Variants in ARHGEF7 observed in about 807,000 individuals in gnomAD.
ARHGEF7 encodes the protein PAK-interacting exchange factor beta.
ARHGEF7 carries 33 observed loss-of-function variants against 109.8 expected under a neutral mutation model. That is an observed-to-expected ratio of 0.30 (90% confidence interval 0.23 to 0.40). ARHGEF7 has a LOEUF of 0.40. Among genes scored for constraint, ARHGEF7 ranks in the 10% least tolerant of loss-of-function variants. The pLI is 1.00. For synonymous variants in ARHGEF7, 458 were observed against 424.6 expected, an observed-to-expected ratio of 1.08 and a Z score of -0.97; for missense variants, 938 against 1,098.5, an observed-to-expected ratio of 0.85 and a Z score of 2.07.
intron 8 of ARHGEF7, among the ~76,000 whole-genome samples, chr13:111,251,527 C>T (rs1163112449): frequency 1.3e-5 from 2 of 152,148 alleles, no homozygotes; most frequent in Non-Finnish European, 2.9e-5. Flanking sequence ...GGCAGGAGGA[C>T]ACAGAGACTC....
chr13:111,171,379 A>G (rs923510667), intron 2 of ARHGEF7, among the ~76,000 whole-genome samples: 1 of 152,230 alleles, frequency 6.6e-6, no homozygotes, highest in Non-Finnish European at 1.5e-5. Flanking sequence ...GTGGCTGCTC[A>G]GTGCTGGATG....
chr13:111,201,766 T>C (rs889657288), intron 2 of ARHGEF7, among the ~76,000 whole-genome samples: 2 of 152,172 alleles, frequency 1.3e-5, no homozygotes, highest in Admixed American at 1.3e-4. Context: ...AGGGAGGCTC[T>C]GCTCCGTAGT....
At chr13:111,236,198 A>G (rs2086798668) in intron 6 of ARHGEF7, among the ~76,000 whole-genome samples, 1 of 152,192 alleles carries the variant, frequency 6.6e-6, no homozygotes. Context: ...TCAAATATAG[A>G]CAATATTTGA....
chr13:111,158,251 G>C (rs1308860040), intron 2 of ARHGEF7, among the ~76,000 whole-genome samples: 1 of 152,202 alleles, frequency 6.6e-6, no homozygotes, highest in Admixed American at 6.5e-5. Flanking sequence ...AGAATTGACT[G>C]TGGGCTCACA....
At chr13:111,238,148 T>G (rs1243511204) in intron 6 of ARHGEF7, among the ~76,000 whole-genome samples, 1 of 152,216 alleles carries the variant, frequency 6.6e-6, no homozygotes, top group East Asian at 1.9e-4. Context: ...CTGTTTGAAA[T>G]CAGTCTGTTA....
At chr13:111,256,252 C>A (rs1319964708) in intron 8 of ARHGEF7, among the ~76,000 whole-genome samples, 2 of 152,156 alleles carry the variant, frequency 1.3e-5, no homozygotes, top group Non-Finnish European at 2.9e-5. Flanking sequence ...ACCAAACGTT[C>A]AGGAAAGAAA....
At chr13:111,195,168 TTTTAGCCTGA>T (rs1377223581) in intron 2 of ARHGEF7, among the ~76,000 whole-genome samples, 3 of 152,218 alleles carry the variant, frequency 2.0e-5, no homozygotes, top group Non-Finnish European at 4.4e-5. Flanking sequence ...TGGTGGGATC[TTTTAGCCTGA>T]TTTGGACTGG....
chr13:111,300,562 G>A (rs550471075), intron 19 of ARHGEF7, among the ~76,000 whole-genome samples, 186 bp from the exon 20 acceptor site: 72 of 152,170 alleles, frequency 4.7e-4, no homozygotes, highest in Non-Finnish European at 7.5e-4. Flanking sequence ...AGGAGGCCTG[G>A]GCTCGGTAGA....
chr13:111,126,444 C>A lies in ARHGEF7; in HGVS notation c.165+10753C>A, dbSNP rs879309952. ...GACAGTGGTTGCAGTGAGCCGAGAT[C>A]GTGCCACTGCACTCCAGCCTGGGCA... On this transcript the variant is annotated intron_variant, in intron 1 of 21. Coordinates refer to ENST00000646102, the MANE Select transcript of ARHGEF7 (RefSeq NM_001354046.2). 7.3e-5 allele frequency among the ~76,000 whole-genome samples: 11 copies of A among 150,674 alleles called. No homozygotes were observed. In the East Asian group the frequency reaches 1.9e-3, roughly 27 times the overall value.
chr13:111,188,312 A>AG (rs1442461997), intron 2 of ARHGEF7, among the ~76,000 whole-genome samples: 4 of 152,206 alleles, frequency 2.6e-5, no homozygotes, highest in Non-Finnish European at 4.4e-5. Context: ...CACCCAGCTA[A>AG]GCTGCCCTGA....
At chr13:111,253,557 C>G (rs998438980) in intron 8 of ARHGEF7, among the ~76,000 whole-genome samples, 4 of 152,154 alleles carry the variant, frequency 2.6e-5, no homozygotes, top group Admixed American at 2.6e-4. Context: ...TGTTTAGATG[C>G]CAGCGCATGG....
chr13:111,124,898 T>C (rs1488399724), intron 1 of ARHGEF7, among the ~76,000 whole-genome samples: 1 of 152,206 alleles, frequency 6.6e-6, no homozygotes, highest in East Asian at 1.9e-4. Context: ...TAGCTGAGGC[T>C]ACAGGTGTGC....
rs897233014 is a variant in ARHGEF7 at position 111,304,469 on chromosome 13, A to G, written c.*1356A>G. 2.0e-5 allele frequency: 3 copies of G among 149,984 alleles called. No individual in the cohort carries two copies. The highest frequency in any genetic ancestry group is 3.0e-5 in the Non-Finnish European group (2 of 67,548). 9.3% of individuals were successfully genotyped at this position (149,984 alleles called of 1,614,324 possible). The stretch of plus-strand genomic sequence containing the variant: ...CCGTAGAACAAGTGTTCTATCTTTA[A>G]AAACCCAAATTGCAGCACCGTGGAT... On this transcript the variant is annotated 3_prime_UTR_variant, in exon 22 of 22. Transcript: ENST00000646102.
intron 4 of ARHGEF7, among the ~76,000 whole-genome samples, chr13:111,214,202 G>T (rs1440477587): frequency 6.6e-6 from 1 of 152,192 alleles, no homozygotes; most frequent in Non-Finnish European, 1.5e-5. Flanking sequence ...CTTAAGTGTA[G>T]AGCGTGCATG....
At chr13:111,189,905 C>G (rs1026862880) in intron 2 of ARHGEF7, among the ~76,000 whole-genome samples, 2 of 152,214 alleles carry the variant, frequency 1.3e-5, no homozygotes, top group Non-Finnish European at 2.9e-5. Context: ...CTCCAAGTCC[C>G]CACCCGACCC....
intron 3 of ARHGEF7, chr13:111,209,157 A>G (rs1249226831): frequency 1.3e-5 from 2 of 152,166 alleles, no homozygotes; most frequent in African/African-American, 2.4e-5. Context: ...CTCTCAGAAC[A>G]GCGATTTTCC....
At chr13:111,291,214 TG>T (rs1232940258) in intron 18 of ARHGEF7, among the ~76,000 whole-genome samples, 1 of 152,258 alleles carries the variant, frequency 6.6e-6, no homozygotes, top group East Asian at 1.9e-4. Flanking sequence ...AGGGAGACCC[TG>T]GCGGCCCAGC....
rs75885315 is a variant in ARHGEF7 at position 111,239,798 on chromosome 13, C to T, written c.760-4074C>T. Among the ~76,000 whole-genome samples the T allele has an allele frequency of 2.0e-5, 3 of 151,988 alleles. No homozygotes were observed. The highest frequency in any genetic ancestry group is 4.8e-5 in the African/African-American group (2 of 41,352). On this transcript the variant is annotated intron_variant, in intron 6 of 21. Coordinates refer to ENST00000646102, the MANE Select transcript of ARHGEF7 (RefSeq NM_001354046.2). The surrounding 1 kb of genome is among the most constrained non-coding windows in gnomAD (Gnocchi z 4.3). ...TTGCTGTATCTGGACTAAGATGATA[C>T]AGATGAAGGTTGTCAGGTAGGCACT... is the stretch of plus-strand genomic sequence containing the variant.
chr13:111,279,180 A>C (rs1307451242), intron 13 of ARHGEF7, among the ~76,000 whole-genome samples: 1 of 152,224 alleles, frequency 6.6e-6, no homozygotes, highest in Non-Finnish European at 1.5e-5. Context: ...AATCTTGGAA[A>C]GGAGTTCACA....
Sources: gnomAD v4.1 joint callset for allele counts (sites outside exome capture counted in the v4.1 genomes callset) on GRCh38, gnomAD v4.1.1 for gene constraint, Gnocchi (gnomAD v3.1) non-coding constraint, MANE v1.5 for transcripts, NCBI Gene and HGNC (gene_info 2026-07-23, HGNC 2026-07-21) for gene names.